The following UBE2O variants were observed in gnomAD, a reference collection of about 807,000 sequenced individuals.
The protein encoded by UBE2O is ubiquitin conjugating enzyme E2 O.
Under a neutral mutation model 125.8 loss-of-function variants are expected in UBE2O, and 15 were observed. The observed-to-expected ratio is 0.12, with a 90% CI of 0.08 to 0.18. The LOEUF is 0.18. Ranked by LOEUF, UBE2O falls within the 10% of genes least tolerant of loss-of-function variation. The probability of loss-of-function intolerance (pLI) is 1.00; values close to 1 mark genes in which losing one functional copy is unlikely to be tolerated. For missense variants in UBE2O, 1,280 were observed against 1,723.6 expected (o/e 0.74, Z 4.56); for synonymous variants, 708 against 703.2 (o/e 1.01, Z -0.11).
At chr17:76,392,328 G>A (rs963700369) in intron 15 of UBE2O, among the ~76,000 whole-genome samples, 7 of 151,862 alleles carry the variant, frequency 4.6e-5, no homozygotes, top group Non-Finnish European at 1.0e-4. Context: ...TTTTGAGACA[G>A]GGTCTTGCTG....
intron 1 of UBE2O, among the ~76,000 whole-genome samples, chr17:76,414,161 C>T (rs766713167): frequency 3.3e-5 from 5 of 152,120 alleles, no homozygotes; most frequent in Admixed American, 6.5e-5. Flanking sequence ...GGAGAACCTC[C>T]GGAAATGGCT....
rs2072286072 is a variant in UBE2O at position 76,399,840 on chromosome 17, C to T, written c.1237G>A (p.Glu413Lys). 6.2e-7 allele frequency: 1 copy of T among 1,614,174 alleles called. No individual in the cohort carries two copies. The highest frequency in any genetic ancestry group is 8.5e-7 in the Non-Finnish European group (1 of 1,180,022). Residue 413 changes from glutamate to lysine, a missense_variant, in exon 9 of 18, where the codon GAA (glutamate) becomes AAA (lysine). Glu to Lys is a moderately conservative substitution (Grantham distance 56, BLOSUM62 1). Around this residue, in one of 10 missense-constraint regions of UBE2O, gnomAD observed 141 missense variants for 141.3 expected, o/e 1.00. Transcript: ENST00000319380. This position sits in a 1 kb window ranked among gnomAD's most constrained non-coding sequence, Gnocchi z 6.9. Reference protein sequence around the residue: ...DTQCSRDHSMEDPDKKGESKT... With the variant: ...DTQCSRDHSMKDPDKKGESKT... ...GATTCCCCCTTCTTGTCTGGGTCTT[C>T]CATGGAATGGTCCCGGGAACACTGG...
intron 1 of UBE2O, among the ~76,000 whole-genome samples, chr17:76,436,091 CA>C (rs1328169073): frequency 3.9e-5 from 6 of 152,086 alleles, no homozygotes; most frequent in Non-Finnish European, 8.8e-5. Flanking sequence ...TACTAAAATA[CA>C]AAACATTAGC....
At position 76,400,126 on chromosome 17, in the gene UBE2O, TCCCCAA is replaced by T; in HGVS notation, c.1155+15_1155+20del. The T allele has an allele frequency of 6.2e-7, 1 of 1,605,622 alleles. No individual in the cohort carries two copies. Among genetic ancestry groups the T allele is most frequent in the Non-Finnish European group, 8.5e-7 (1 of 1,174,768 alleles). ...GGCCAGTTCCTCAAATGCCCACCAA[TCCCCAA>T]CCCCAAGGACATACCTTCTTGGCCA... On this transcript the variant is annotated intron_variant, in intron 8 of 17. Transcript: ENST00000319380. This position sits in a 1 kb window ranked among gnomAD's most constrained non-coding sequence, Gnocchi z 4.3.
At chr17:76,401,933 C>G (rs2072333293) in intron 5 of UBE2O, 131 bp downstream of exon 5, 3 of 773,498 alleles carry the variant, frequency 3.9e-6, no homozygotes, top group Admixed American at 6.8e-5. Flanking sequence ...ACTTTTAGAC[C>G]CTCTGGCGCG....
At chr17:76,442,127 C>T (rs955283810) in intron 1 of UBE2O, among the ~76,000 whole-genome samples, 7 of 152,204 alleles carry the variant, frequency 4.6e-5, no homozygotes, top group African/African-American at 1.7e-4. Flanking sequence ...AGCTTCATTT[C>T]GACCACAGGT....
At chr17:76,440,403 T>C (rs59232506) in intron 1 of UBE2O, among the ~76,000 whole-genome samples, 2,281 of 152,288 alleles carry the variant, frequency 0.015, 59 homozygotes, top group African/African-American at 0.051. Flanking sequence ...TCACGGCCCA[T>C]TGCCACCTCG....
chr17:76,410,686 C>T lies in UBE2O; in HGVS notation c.418-5114G>A, dbSNP rs1008601100. 3.9e-5 allele frequency among the ~76,000 whole-genome samples: 6 copies of T among 152,066 alleles called. No homozygotes were observed. The highest frequency in any genetic ancestry group is 9.7e-5 in the African/African-American group (4 of 41,406). On this transcript the variant is annotated intron_variant, in intron 1 of 17. Transcript: ENST00000319380. This position sits in a 1 kb window ranked among gnomAD's most constrained non-coding sequence, Gnocchi z 4.0. ...TCTGTTGTGCCCCATTTGAGCTCCC[C>T]GAAGCTATGCTGGGGGCCACTCAGA...
At chr17:76,413,041 C>T (rs9914927) in intron 1 of UBE2O, among the ~76,000 whole-genome samples, 39,168 of 152,012 alleles carry the variant, frequency 0.26, 5,599 homozygotes, top group East Asian at 0.49. Context: ...CAAAATGAAA[C>T]AAAAAAACCC....
intron 1 of UBE2O, among the ~76,000 whole-genome samples, chr17:76,406,157 C>T (rs1166866985): frequency 2.6e-5 from 4 of 152,214 alleles, no homozygotes; most frequent in Non-Finnish European, 4.4e-5. Flanking sequence ...GCTAAGTAAC[C>T]CTCAGGATGG....
In UBE2O at chr17:76,400,967, T is replaced by A; in HGVS notation, c.894+44A>T. 6.2e-7 allele frequency: 1 copy of A among 1,608,242 alleles called. No individual in the cohort carries two copies. The highest frequency in any genetic ancestry group is 8.5e-7 in the Non-Finnish European group (1 of 1,176,954). ...GGGGCAGCAGCTCAGCTCCAGGGTG[T>A]GGAGGTCAAGGACTCCATCTCCTAC... On this transcript the variant is annotated intron_variant, in intron 6 of 17. Coordinates refer to ENST00000319380, the MANE Select transcript of UBE2O (RefSeq NM_022066.4). This position sits in a 1 kb window ranked among gnomAD's most constrained non-coding sequence, Gnocchi z 4.3.
At chr17:76,444,877 A>G (rs1056450350) in intron 1 of UBE2O, among the ~76,000 whole-genome samples, 1 of 152,210 alleles carries the variant, frequency 6.6e-6, no homozygotes, top group African/African-American at 2.4e-5. Flanking sequence ...GCATATGTCA[A>G]GCCCTGAGGC....
intron 1 of UBE2O, among the ~76,000 whole-genome samples, chr17:76,426,125 C>T (rs1008526252): frequency 1.3e-5 from 2 of 152,180 alleles, no homozygotes; most frequent in African/African-American, 4.8e-5. Flanking sequence ...ACTTCAGCCT[C>T]CTGAGTAGCT....
intron 1 of UBE2O, among the ~76,000 whole-genome samples, chr17:76,409,009 C>G (rs1176711779): frequency 1.3e-5 from 2 of 151,886 alleles, no homozygotes; most frequent in African/African-American, 2.4e-5. Context: ...CACTCTCTGG[C>G]CCAGGCTGGA....
chr17:76,413,502 G>A (rs1328873341), intron 1 of UBE2O, among the ~76,000 whole-genome samples: 1 of 152,110 alleles, frequency 6.6e-6, no homozygotes, highest in Non-Finnish European at 1.5e-5. Context: ...GTACTATTAG[G>A]TTGGCAAAAA....
chr17:76,394,939 G>A (rs969886124), intron 15 of UBE2O, among the ~76,000 whole-genome samples: 9 of 151,684 alleles, frequency 5.9e-5, no homozygotes, highest in African/African-American at 1.9e-4. Flanking sequence ...GCAATGGTGC[G>A]ATCTTGGCTC....
In UBE2O at chr17:76,396,259, T is replaced by C; in HGVS notation, c.2678A>G (p.Glu893Gly). Reference sequence around the variant, plus strand: ...CTCAGCCTTCACAGGTGACTGCCCCTCGGGCTTGTCCTCCTTGCGCTCTAC... The same window carrying C: ...CTCAGCCTTCACAGGTGACTGCCCCCCGGGCTTGTCCTCCTTGCGCTCTAC... ...PDVERKEDKP[E>G]GQSPVKAEWP... The change falls in exon 14 of 18, where the codon GAG becomes GGG. Residue 893 changes from glutamate (E) to glycine (G), a missense_variant. Transcript: ENST00000319380. The surrounding 1 kb of genome is among the most constrained non-coding windows in gnomAD (Gnocchi z 6.7). 6.2e-7 allele frequency: 1 copy of C among 1,614,210 alleles called. No individual in the cohort carries two copies. The highest frequency in any genetic ancestry group is 8.5e-7 in the Non-Finnish European group (1 of 1,180,042).
At chr17:76,406,974 A>T (rs1353520273) in intron 1 of UBE2O, among the ~76,000 whole-genome samples, 2 of 152,138 alleles carry the variant, frequency 1.3e-5, no homozygotes, top group Non-Finnish European at 1.5e-5. Context: ...CTGGGATTAC[A>T]GGCGTGAGCC....
chr17:76,444,202 C>A (rs2073119416), intron 1 of UBE2O, among the ~76,000 whole-genome samples: 1 of 152,102 alleles, frequency 6.6e-6, no homozygotes, highest in Non-Finnish European at 1.5e-5. Context: ...GCCTGGGCGA[C>A]AGACTGAGAC....
Sources: allele counts gnomAD v4.1 joint callset (sites outside exome capture counted in the v4.1 genomes callset), GRCh38; gene constraint gnomAD v4.1.1; regional missense constraint gnomAD v4.1.1; non-coding constraint Gnocchi (gnomAD v3.1); transcripts MANE v1.5; gene names NCBI Gene and HGNC (gene_info 2026-07-23, HGNC 2026-07-21).